The following ZBTB26 variants were observed in gnomAD, a reference collection of about 807,000 sequenced individuals.
ZBTB26 encodes the protein zinc finger and BTB domain-containing protein 26.
In ZBTB26, 12 loss-of-function variants were observed where a neutral mutation model predicts 31.6. The observed-to-expected ratio is 0.38, with a 90% CI of 0.24 to 0.61. The LOEUF (loss-of-function observed/expected upper bound fraction) is 0.61. ZBTB26 is among the 20% of genes least tolerant of loss of function. ZBTB26 has a pLI of 0.60. For synonymous variants in ZBTB26, 155 were observed against 182.9 expected, an observed-to-expected ratio of 0.85 and a Z score of 1.23; for missense variants, 311 against 521.9, an observed-to-expected ratio of 0.60 and a Z score of 3.94.
chr9:122,922,361 T>C (rs1833114503), intron 1 of ZBTB26, among the ~76,000 whole-genome samples: 1 of 152,190 alleles, frequency 6.6e-6, no homozygotes, highest in Admixed American at 6.5e-5. Context: ...TCTGGGCCCA[T>C]TGCATACTTC....
Position 122,919,241 on chromosome 9 carries a change from T to C in ZBTB26, c.694A>G (p.Ile232Val), listed in dbSNP as rs763154033. ...TAATTGTGGAGATGGTTTTGTTCTA[T>C]TTCACTTACTCTGTTTTCCACAGTT... ...NSTVENRVSE[I>V]EQNHLHNYAL... Residue 232 changes from isoleucine to valine, a missense_variant, in exon 2 of 2, where the codon ATA becomes GTA. Ile to Val is a conservative substitution (Grantham distance 29). Around this residue, in one of 5 missense-constraint regions of ZBTB26, gnomAD observed 207 missense variants for 298.6 expected, o/e 0.69. Transcript: ENST00000373656. The surrounding 1 kb of genome is among the most constrained non-coding windows in gnomAD (Gnocchi z 6.1). 1.2e-6 allele frequency: 2 copies of C among 1,614,228 alleles called. No homozygotes were observed. Among genetic ancestry groups the C allele is most frequent in the South Asian group, 1.1e-5 (1 of 91,086 alleles).
At chr9:122,927,981 T>C (rs986964715) in intron 1 of ZBTB26, among the ~76,000 whole-genome samples, 2 of 151,998 alleles carry the variant, frequency 1.3e-5, no homozygotes, top group African/African-American at 2.4e-5. Context: ...ATTACAGGCA[T>C]GCACCACCAA....
chr9:122,925,464 A>T (rs1833162842), intron 1 of ZBTB26, among the ~76,000 whole-genome samples: 1 of 152,232 alleles, frequency 6.6e-6, no homozygotes, highest in Non-Finnish European at 1.5e-5. Flanking sequence ...GTATATGACG[A>T]AACTAAGCTT....
chr9:122,924,423 T>G (rs1833146698), intron 1 of ZBTB26, among the ~76,000 whole-genome samples: 1 of 152,174 alleles, frequency 6.6e-6, no homozygotes, highest in African/African-American at 2.4e-5. Flanking sequence ...ACCAATGGTT[T>G]GTTATACTTT....
intron 1 of ZBTB26, 96 bp downstream of exon 1, chr9:122,931,341 C>G (rs1158799526): frequency 6.6e-6 from 1 of 152,316 alleles, no homozygotes; most frequent in African/African-American, 2.4e-5. Context: ...CGGCTCCCAT[C>G]CCAGTGCAGG....
rs1020112304 is a variant in ZBTB26 at position 122,917,794 on chromosome 9, G to C, written c.*815C>G. On this transcript the variant is annotated 3_prime_UTR_variant, in exon 2 of 2. Transcript: ENST00000373656. ...CTTTAGCACATTTTTAGCGTGCCTGGAGCAGTCCTGATCTCAAAAGCATCA... is the reference window on the plus strand; with the variant it reads ...CTTTAGCACATTTTTAGCGTGCCTGCAGCAGTCCTGATCTCAAAAGCATCA... The C allele has an allele frequency of 6.6e-6, 1 of 152,122 alleles. No homozygotes were observed. The highest frequency in any genetic ancestry group is 1.5e-5 in the Non-Finnish European group (1 of 68,036). The allele number at this position is 152,122 out of a possible 1,614,324, so 9.4% of individuals were successfully genotyped here.
intron 1 of ZBTB26, among the ~76,000 whole-genome samples, chr9:122,929,633 A>G (rs1833235346): frequency 1.3e-5 from 2 of 152,238 alleles, no homozygotes; most frequent in Admixed American, 1.3e-4. Flanking sequence ...TATGTACCCT[A>G]TAAGCATGTG....
rs1833046976 is a variant in ZBTB26 at position 122,918,475 on chromosome 9, A to G, written c.*134T>C. 2.9e-6 allele frequency: 4 copies of G among 1,363,520 alleles called. No individual in the cohort carries two copies. The Admixed American group carries it at 7.3e-5, about 25-fold the overall frequency. 84.5% of individuals were successfully genotyped at this position (1,363,520 alleles called of 1,614,324 possible). A position where few individuals can be genotyped will look rare whatever the true frequency, so the allele number is the denominator to read the frequency against. On this transcript the variant is annotated 3_prime_UTR_variant, in exon 2 of 2. Transcript: ENST00000373656. ...CTCCAAGTGGTAAGTTGCCTGGTCT[A>G]TTAGTGCTTTGACTCACTCCCTACC...
intron 1 of ZBTB26, among the ~76,000 whole-genome samples, chr9:122,921,500 T>A (rs1003246011): frequency 1.3e-5 from 2 of 152,258 alleles, no homozygotes; most frequent in Non-Finnish European, 2.9e-5. Flanking sequence ...GTCCAATCTT[T>A]ATCATCTTAA....
At chr9:122,930,101 C>A (rs552814564) in intron 1 of ZBTB26, among the ~76,000 whole-genome samples, 16 of 152,288 alleles carry the variant, frequency 1.1e-4, no homozygotes, top group African/African-American at 3.8e-4. Context: ...ATAACTCAAA[C>A]TTTTACCTCT....
At chr9:122,925,002 T>C (rs1172784960) in intron 1 of ZBTB26, among the ~76,000 whole-genome samples, 1 of 152,162 alleles carries the variant, frequency 6.6e-6, no homozygotes, top group Non-Finnish European at 1.5e-5. Flanking sequence ...TTATGAACCA[T>C]CTTAATTTTA....
At chr9:122,923,373 G>GGAA (rs1166595662) in intron 1 of ZBTB26, among the ~76,000 whole-genome samples, 1 of 104,036 alleles carries the variant, frequency 9.6e-6, no homozygotes, top group Non-Finnish European at 2.3e-5. Flanking sequence ...TGAGAGAGGA[G>GGAA]CGATGTAGAC....
intron 1 of ZBTB26, among the ~76,000 whole-genome samples, chr9:122,928,031 C>T (rs1833210005): frequency 1.3e-5 from 2 of 152,014 alleles, no homozygotes; most frequent in African/African-American, 4.8e-5. Flanking sequence ...GATGGGGTTT[C>T]ACCATGTTGG....
rs1255962043 is a variant in ZBTB26 at position 122,916,775 on chromosome 9, AATC to A, written c.*1831_*1833del. 1 of 152,206 alleles carries A rather than the reference AATC, an allele frequency of 6.6e-6. No homozygotes were observed. The highest frequency in any genetic ancestry group is 1.5e-5 in the Non-Finnish European group (1 of 68,026). The allele number at this position is 152,206 out of a possible 1,614,324, so 9.4% of individuals were successfully genotyped here. A position where few individuals can be genotyped will look rare whatever the true frequency, so the allele number is the denominator to read the frequency against. ...TTTAAATATTTGAACAAAAGACAAA[AATC>A]ATACTTCACATCTGACTCACATGAT... On this transcript the variant is annotated 3_prime_UTR_variant, in exon 2 of 2. Transcript: ENST00000373656.
At chr9:122,923,997 G>T (rs1333728334) in intron 1 of ZBTB26, among the ~76,000 whole-genome samples, 1 of 152,224 alleles carries the variant, frequency 6.6e-6, no homozygotes, top group African/African-American at 2.4e-5. Context: ...AGGAGCAACA[G>T]GCTGTGTCAT....
chr9:122,922,429 G>C (rs1471591328), intron 1 of ZBTB26, among the ~76,000 whole-genome samples: 1 of 152,132 alleles, frequency 6.6e-6, no homozygotes, highest in Non-Finnish European at 1.5e-5. Flanking sequence ...CAAACTCCAA[G>C]TTTCATGGTA....
chr9:122,916,071 G>A lies in ZBTB26; in HGVS notation c.*2538C>T, dbSNP rs1462596049. 1 of 152,178 alleles carries A rather than the reference G, an allele frequency of 6.6e-6. No homozygotes were observed. Among genetic ancestry groups the A allele is most frequent in the Non-Finnish European group, 1.5e-5 (1 of 68,026 alleles). 9.4% of individuals were successfully genotyped at this position (152,178 alleles called of 1,614,324 possible). A position where few individuals can be genotyped will look rare whatever the true frequency, so the allele number is the denominator to read the frequency against. ...CGTATAAGCAAAGAAGGAGGAAAGTGAAGTTCCACAAAAATTAGAAAAATG... is the reference window on the plus strand; with the variant it reads ...CGTATAAGCAAAGAAGGAGGAAAGTAAAGTTCCACAAAAATTAGAAAAATG... On this transcript the variant is annotated 3_prime_UTR_variant, in exon 2 of 2. Transcript: ENST00000373656.
intron 1 of ZBTB26, among the ~76,000 whole-genome samples, chr9:122,930,223 A>T (rs1338935791): frequency 6.6e-6 from 1 of 152,036 alleles, no homozygotes; most frequent in Non-Finnish European, 1.5e-5. Flanking sequence ...AAATGAATTC[A>T]TAATCTACAC....
Position 122,919,713 on chromosome 9 carries a change from T to C in ZBTB26, c.222A>G (p.Ile74Met), listed in dbSNP as rs1216731097. The change falls in exon 2 of 2, where the codon ATA becomes ATG. Residue 74 changes from isoleucine (I) to methionine (M), a missense_variant. By Grantham distance (10) the Ile-to-Met change is conservative. Transcript: ENST00000373656. The surrounding 1 kb of genome is among the most constrained non-coding windows in gnomAD (Gnocchi z 6.1). ...LNDSREVKIS[I>M]LQSSEVGRQL... ...GTCTCCCCACTTCGGAACTCTGTAA[T>C]ATGGAGATTTTCACCTCTCTGGAAT... 1 of 1,614,158 alleles carries C rather than the reference T, an allele frequency of 6.2e-7. No individual in the cohort carries two copies. Among genetic ancestry groups the C allele is most frequent in the East Asian group, 2.2e-5 (1 of 44,878 alleles).
Sources: gnomAD v4.1 joint callset for allele counts (sites outside exome capture counted in the v4.1 genomes callset) on GRCh38, gnomAD v4.1.1 for gene constraint, gnomAD v4.1.1 regional missense constraint, Gnocchi (gnomAD v3.1) non-coding constraint, MANE v1.5 for transcripts, NCBI Gene and HGNC (gene_info 2026-07-23, HGNC 2026-07-21) for gene names.